The following RCAN2 variants were observed in gnomAD, a reference collection of about 807,000 sequenced individuals.
RCAN2 encodes calcipressin-2.
Under a neutral mutation model 23.6 loss-of-function variants are expected in RCAN2, and 9 were observed. The observed-to-expected ratio is 0.38, with a 90% CI of 0.23 to 0.67. The LOEUF (loss-of-function observed/expected upper bound fraction) is 0.67. RCAN2 is among the 30% of genes least tolerant of loss of function. RCAN2 has a pLI of 0.51. For synonymous variants in RCAN2, 109 were observed against 115.7 expected, an observed-to-expected ratio of 0.94 and a Z score of 0.37; for missense variants, 273 against 302.3, an observed-to-expected ratio of 0.90 and a Z score of 0.72.
At chr6:46,429,842 A>G (rs191999427) in intron 2 of RCAN2, among the ~76,000 whole-genome samples, 3 of 152,234 alleles carry the variant, frequency 2.0e-5, no homozygotes, top group Non-Finnish European at 2.9e-5. Flanking sequence ...GAGGTCTTGC[A>G]CTGGCACAGG....
At chr6:46,224,326 A>G (rs1765574973) in intron 4 of RCAN2, among the ~76,000 whole-genome samples, 1 of 152,190 alleles carries the variant, frequency 6.6e-6, no homozygotes, top group South Asian at 2.1e-4. Flanking sequence ...GGATCAAAAG[A>G]TAAATCTTCC....
At chr6:46,484,883 T>C (rs1490838043) in intron 1 of RCAN2, among the ~76,000 whole-genome samples, 3 of 152,218 alleles carry the variant, frequency 2.0e-5, no homozygotes, top group Admixed American at 2.0e-4. Context: ...GGGCTATCTC[T>C]GGAAAGCACT....
intron 2 of RCAN2, among the ~76,000 whole-genome samples, chr6:46,326,338 G>A (rs1205740760): frequency 6.6e-6 from 1 of 152,160 alleles, no homozygotes; most frequent in African/African-American, 2.4e-5. Flanking sequence ...TATTTCACAC[G>A]GGGACAGATG....
At chr6:46,230,924 T>G (rs1201173285) in intron 4 of RCAN2, among the ~76,000 whole-genome samples, 1 of 152,202 alleles carries the variant, frequency 6.6e-6, no homozygotes, top group African/African-American at 2.4e-5. Context: ...AAATTCTGGG[T>G]GCTGACGTTA....
At chr6:46,351,669 T>TG (rs1764650274) in intron 2 of RCAN2, among the ~76,000 whole-genome samples, 2 of 112,850 alleles carry the variant, frequency 1.8e-5, no homozygotes, top group African/African-American at 5.9e-5. Context: ...AGTGATTCAA[T>TG]GGATCCAGAT....
chr6:46,262,915 A>T (rs544414998), intron 2 of RCAN2, among the ~76,000 whole-genome samples: 9 of 152,176 alleles, frequency 5.9e-5, no homozygotes, highest in Non-Finnish European at 1.2e-4. Flanking sequence ...GTCCTAGCTC[A>T]TATCTCAAAT....
At chr6:46,457,180 TG>T (rs1434698129) in intron 1 of RCAN2, among the ~76,000 whole-genome samples, 1 of 152,174 alleles carries the variant, frequency 6.6e-6, no homozygotes, top group Non-Finnish European at 1.5e-5. Context: ...AGCTCTGCTC[TG>T]GGGCAAGAAC....
intron 2 of RCAN2, among the ~76,000 whole-genome samples, chr6:46,381,707 C>T (rs1207950294): frequency 6.6e-6 from 1 of 152,190 alleles, no homozygotes; most frequent in Non-Finnish European, 1.5e-5. Context: ...TGGCCACAGT[C>T]CAGTGCTTAA....
intron 4 of RCAN2, among the ~76,000 whole-genome samples, chr6:46,228,712 G>A (rs1268434168): frequency 1.3e-5 from 2 of 152,074 alleles, no homozygotes; most frequent in South Asian, 2.1e-4. Context: ...ACACTGATGG[G>A]TCTTGACTCT....
At chr6:46,369,431 T>C (rs2150388223) in intron 2 of RCAN2, among the ~76,000 whole-genome samples, 1 of 152,364 alleles carries the variant, frequency 6.6e-6, no homozygotes, top group Non-Finnish European at 1.5e-5. Context: ...TGCTAGACTT[T>C]TATATGACTG....
intron 1 of RCAN2, among the ~76,000 whole-genome samples, chr6:46,487,722 C>T (rs9463205): frequency 0.024 from 3,687 of 152,296 alleles, 166 homozygotes; most frequent in African/African-American, 0.083. Flanking sequence ...GTTCCCCTTC[C>T]AGGACCATGC....
At chr6:46,333,395 A>G (rs1764046105) in intron 2 of RCAN2, among the ~76,000 whole-genome samples, 1 of 152,206 alleles carries the variant, frequency 6.6e-6, no homozygotes. Flanking sequence ...ATAGTATTCA[A>G]CTATTTGGAT....
chr6:46,230,420 C>CCA (rs1765841895), intron 4 of RCAN2, among the ~76,000 whole-genome samples: 1 of 152,202 alleles, frequency 6.6e-6, no homozygotes, highest in African/African-American at 2.4e-5. Flanking sequence ...GCAGTGGGCT[C>CCA]CACCCAGTTT....
chr6:46,266,314 T>C (rs1384233322), intron 2 of RCAN2, among the ~76,000 whole-genome samples: 1 of 152,230 alleles, frequency 6.6e-6, no homozygotes, highest in East Asian at 1.9e-4. Context: ...GCATTAACGC[T>C]TGTAGACTGG....
At chr6:46,378,058 A>G (rs1765526149) in intron 2 of RCAN2, among the ~76,000 whole-genome samples, 1 of 152,220 alleles carries the variant, frequency 6.6e-6, no homozygotes, top group African/African-American at 2.4e-5. Flanking sequence ...TGTACATAGT[A>G]GGCACTAACT....
chr6:46,326,760 T>A (rs1359193467), intron 2 of RCAN2, among the ~76,000 whole-genome samples: 3 of 152,224 alleles, frequency 2.0e-5, no homozygotes, highest in Non-Finnish European at 4.4e-5. Context: ...GGTACTTTTC[T>A]AACATATGAC....
upstream of RCAN2, among the ~76,000 whole-genome samples, chr6:46,491,533 A>G (rs1413660826): frequency 4.6e-5 from 7 of 151,754 alleles, no homozygotes; most frequent in Non-Finnish European, 7.4e-5. Flanking sequence ...CCAACCTCCA[A>G]TCAGACCCAG....
At chr6:46,444,929 A>C (rs970276199) in intron 2 of RCAN2, among the ~76,000 whole-genome samples, 1 of 152,114 alleles carries the variant, frequency 6.6e-6, no homozygotes, top group Non-Finnish European at 1.5e-5. Flanking sequence ...CACTTGTCCC[A>C]GGTTCCACAC....
intron 2 of RCAN2, among the ~76,000 whole-genome samples, chr6:46,429,933 AAAG>A (rs941413704): frequency 6.7e-4 from 102 of 152,306 alleles, no homozygotes; most frequent in African/African-American, 2.3e-3. Flanking sequence ...TTGTAAACTC[AAAG>A]AAGGAGAGAA....
Sources: allele counts gnomAD v4.1 joint callset (sites outside exome capture counted in the v4.1 genomes callset), GRCh38; gene constraint gnomAD v4.1.1; transcripts MANE v1.5; gene names NCBI Gene and HGNC (gene_info 2026-07-23, HGNC 2026-07-21).